The following TTC17 variants were observed in gnomAD, a reference collection of about 807,000 sequenced individuals.
The protein encoded by TTC17 is tetratricopeptide repeat protein 17.
In TTC17, 58 loss-of-function variants were observed where a neutral mutation model predicts 143.8. The ratio of observed to expected loss-of-function variants is 0.40; its 90% CI spans 0.33 to 0.50. TTC17 has a LOEUF of 0.50. TTC17 is among the 20% of genes least tolerant of loss of function. The pLI is 0.49. For synonymous variants in TTC17, 501 were observed against 497.8 expected (o/e 1.01, Z -0.09); for missense variants, 1,273 against 1,392.5 (o/e 0.91, Z 1.37).
intron 16 of TTC17, among the ~76,000 whole-genome samples, chr11:43,428,213 G>C (rs1257812603): frequency 2.0e-5 from 3 of 151,966 alleles, no homozygotes; most frequent in Non-Finnish European, 4.4e-5. Context: ...TAACACCTAT[G>C]AGTCAGTCTC....
At chr11:43,415,486 AC>A in intron 16 of TTC17, among the ~76,000 whole-genome samples, 1 of 152,324 alleles carries the variant, frequency 6.6e-6, no homozygotes, top group Admixed American at 6.5e-5. Context: ...CAGTTTACAT[AC>A]GTGTGGATCC....
At chr11:43,491,902 T>C (rs1461327006) in intron 22 of TTC17, 118 bp from the exon 23 acceptor site, 2 of 1,342,406 alleles carry the variant, frequency 1.5e-6, no homozygotes, top group African/African-American at 2.9e-5. Flanking sequence ...GCACTTTGAG[T>C]GGCACTGTTC....
chr11:43,464,046 C>T (rs1199347742), intron 21 of TTC17, among the ~76,000 whole-genome samples: 4 of 152,054 alleles, frequency 2.6e-5, no homozygotes, highest in South Asian at 2.1e-4. Flanking sequence ...GAGGCTGAGG[C>T]GGGTGGATCA....
chr11:43,462,889 A>G (rs974024725), intron 21 of TTC17, among the ~76,000 whole-genome samples: 12 of 147,902 alleles, frequency 8.1e-5, no homozygotes, highest in African/African-American at 3.0e-4. Context: ...TAGCTGCCAT[A>G]TGTAAGCACT....
intron 16 of TTC17, among the ~76,000 whole-genome samples, chr11:43,425,251 C>G (rs186757208): frequency 1.3e-5 from 2 of 151,966 alleles, no homozygotes; most frequent in African/African-American, 2.4e-5. Context: ...ACCAGGACTA[C>G]GAAGCTAGGG....
At chr11:43,417,283 A>C (rs1026038546) in intron 16 of TTC17, among the ~76,000 whole-genome samples, 1 of 152,128 alleles carries the variant, frequency 6.6e-6, no homozygotes, top group Non-Finnish European at 1.5e-5. Context: ...TTGCTAAATA[A>C]TTGATTAAAA....
chr11:43,359,377 A>G (rs566436401), intron 1 of TTC17: 47 of 434,930 alleles, frequency 1.1e-4, no homozygotes, highest in Non-Finnish European at 1.6e-4. Context: ...AGAGTCGCCC[A>G]GCTGCGGGAG....
chr11:43,399,102 G>A (rs1378199213), intron 8 of TTC17, among the ~76,000 whole-genome samples: 8 of 152,084 alleles, frequency 5.3e-5, no homozygotes, highest in Admixed American at 3.3e-4. Context: ...TATTCCTTTC[G>A]AAGCATAGTT....
intron 16 of TTC17, among the ~76,000 whole-genome samples, chr11:43,416,167 TTTTG>T (rs887603347): frequency 6.6e-6 from 1 of 152,094 alleles, no homozygotes; most frequent in Admixed American, 6.6e-5. Context: ...TGTGGTCTTT[TTTTG>T]TTTGTTTGTT....
chr11:43,372,975 T>C (rs552951196), intron 1 of TTC17, among the ~76,000 whole-genome samples: 1 of 152,178 alleles, frequency 6.6e-6, no homozygotes, highest in East Asian at 1.9e-4. Context: ...AATAATATAG[T>C]AGATATATTA....
At chr11:43,438,014 G>A (rs145957535) in intron 16 of TTC17, among the ~76,000 whole-genome samples, 196 of 152,304 alleles carry the variant, frequency 1.3e-3, no homozygotes, top group African/African-American at 4.4e-3. Context: ...AGCCTTTTGC[G>A]CTTTCTGATT....
intron 21 of TTC17, among the ~76,000 whole-genome samples, chr11:43,461,088 T>G (rs1053050716): frequency 5.9e-5 from 9 of 152,106 alleles, no homozygotes; most frequent in African/African-American, 2.2e-4. Flanking sequence ...ACAGAAATGA[T>G]AAAAACTAGA....
chr11:43,464,289 A>G (rs1399280793), intron 21 of TTC17, among the ~76,000 whole-genome samples: 1 of 152,096 alleles, frequency 6.6e-6, no homozygotes, highest in African/African-American at 2.4e-5. Context: ...CAAAAAAAAA[A>G]AAAAAATTAC....
Position 43,399,882 on chromosome 11 carries a change from G to A in TTC17, c.1059-6G>A. 1 of 1,588,944 alleles carries A rather than the reference G, an allele frequency of 6.3e-7. No individual in the cohort carries two copies. Among genetic ancestry groups the A allele is most frequent in the Non-Finnish European group, 8.5e-7 (1 of 1,171,374 alleles). On this transcript the variant is annotated splice_polypyrimidine_tract_variant and splice_region_variant and intron_variant, in intron 8 of 23. Coordinates refer to ENST00000039989, the MANE Select transcript of TTC17 (RefSeq NM_018259.6). ...TAACTTTTTCCTGGTATTAAAAAAT[G>A]TTAAGATCTCTCCAGCGAACACTGA... is the stretch of plus-strand genomic sequence containing the variant.
At chr11:43,478,638 C>G (rs1307279140) in intron 21 of TTC17, among the ~76,000 whole-genome samples, 1 of 152,016 alleles carries the variant, frequency 6.6e-6, no homozygotes, top group African/African-American at 2.4e-5. Context: ...GACAGGGTCT[C>G]CATCTGTCAC....
At chr11:43,382,372 A>T (rs1857003713) in intron 2 of TTC17, among the ~76,000 whole-genome samples, 1 of 152,190 alleles carries the variant, frequency 6.6e-6, no homozygotes, top group African/African-American at 2.4e-5. Flanking sequence ...AAAGTTGCTA[A>T]ATTTATTTAC....
At position 43,473,188 on chromosome 11, in the gene TTC17, AAAG is replaced by A. The variant is rs1948123069; in HGVS notation, c.3031-17048_3031-17046del. 1.3e-5 allele frequency among the ~76,000 whole-genome samples: 2 copies of A among 150,458 alleles called. 1 individual carries two copies. The highest frequency in any genetic ancestry group is 4.2e-4 in the South Asian group (2 of 4,812). ...AGACTCCATCTAAAAAAAAAAAAAG[AAAG>A]AAAATCTTCACCTGTTTTGGTAACA... On this transcript the variant is annotated intron_variant, in intron 21 of 23. Transcript: ENST00000039989.
intron 5 of TTC17, among the ~76,000 whole-genome samples, chr11:43,395,803 C>T (rs1857566255): frequency 6.6e-6 from 1 of 152,164 alleles, no homozygotes; most frequent in African/African-American, 2.4e-5. Context: ...GAAAGAGTCA[C>T]TGAAAATCTA....
rs141451182 is a variant in TTC17 at position 43,379,045 on chromosome 11, T to G, written c.160-188T>G. 5.8e-4 allele frequency: 332 copies of G among 575,448 alleles called. 1 individual carries two copies. The East Asian group carries it at 0.01, about 18-fold the overall frequency. The allele number at this position is 575,448 out of a possible 1,614,324, so 35.6% of individuals were successfully genotyped here. ...TCCAAGTTGGAGTTCACAGGACAAC[T>G]GTTGCACTTGTCATTCCCTTTGCTA... On this transcript the variant is annotated intron_variant, in intron 1 of 23. Coordinates refer to ENST00000039989, the MANE Select transcript of TTC17 (RefSeq NM_018259.6).
Sources: gnomAD v4.1 joint callset for allele counts (sites outside exome capture counted in the v4.1 genomes callset) on GRCh38, gnomAD v4.1.1 for gene constraint, MANE v1.5 for transcripts, NCBI Gene and HGNC (gene_info 2026-07-23, HGNC 2026-07-21) for gene names.